Variants in SCN9A observed in about 807,000 individuals in gnomAD.
SCN9A encodes the protein sodium voltage-gated channel alpha subunit 9, also known as sodium channel protein type 9 subunit alpha.
In SCN9A, 131 loss-of-function variants were observed where a neutral mutation model predicts 187.0. The observed-to-expected ratio is 0.70, with a 90% confidence interval of 0.61 to 0.81. SCN9A has a LOEUF of 0.81. Ranked by LOEUF, SCN9A falls within the 30% of genes least tolerant of loss-of-function variation. SCN9A has a pLI of 0.00. For missense variants in SCN9A, 2,252 were observed against 2,396.6 expected (o/e 0.94, Z 1.26); for synonymous variants, 809 against 808.6 (o/e 1.00, Z -0.01).
intron 24 of SCN9A, among the ~76,000 whole-genome samples, chr2:166,221,111 G>A (rs917569349): frequency 2.0e-5 from 3 of 152,128 alleles, no homozygotes; most frequent in Admixed American, 6.5e-5. Flanking sequence ...CCAAGGCATT[G>A]AAAATGTATG....
At chr2:166,330,883 C>T (rs989029063) in intron 1 of SCN9A, among the ~76,000 whole-genome samples, 1 of 152,106 alleles carries the variant, frequency 6.6e-6, no homozygotes, top group African/African-American at 2.4e-5. Flanking sequence ...AGGCCATGGA[C>T]CAGTATCTGT....
At chr2:166,311,389 T>G (rs1698950625) in intron 2 of SCN9A, 110 bp downstream of exon 2, 3 of 209,224 alleles carry the variant, frequency 1.4e-5, no homozygotes, top group Non-Finnish European at 2.4e-5. Flanking sequence ...TAATTTAACA[T>G]TCTGGTCATG....
intron 16 of SCN9A, among the ~76,000 whole-genome samples, chr2:166,275,594 A>AT (rs1396638220): frequency 4.5e-5 from 6 of 132,884 alleles, no homozygotes; most frequent in East Asian, 4.2e-4. Flanking sequence ...AAAAAAAAAA[A>AT]AAATACACAA....
intron 1 of SCN9A, among the ~76,000 whole-genome samples, chr2:166,348,189 GTTGA>G (rs1469458140): frequency 1.3e-5 from 2 of 149,400 alleles, no homozygotes; most frequent in South Asian, 2.2e-4. Flanking sequence ...GTAACGGTTT[GTTGA>G]TTATCATGTA....
At chr2:166,328,044 T>C (rs909861451) in intron 1 of SCN9A, among the ~76,000 whole-genome samples, 1 of 152,152 alleles carries the variant, frequency 6.6e-6, no homozygotes, top group Non-Finnish European at 1.5e-5. Flanking sequence ...CTACAAGCAG[T>C]GTATCTTTAG....
chr2:166,258,397 T>C (rs1210222926), intron 17 of SCN9A, among the ~76,000 whole-genome samples: 2 of 151,492 alleles, frequency 1.3e-5, no homozygotes, highest in Non-Finnish European at 3.0e-5. Flanking sequence ...CAGAAACTTA[T>C]TCTTATCAAT....
chr2:166,303,121 C>T lies in SCN9A; in HGVS notation c.870G>A (p.Met290Ile), dbSNP rs1484707284. The T allele has an allele frequency of 6.2e-7, 1 of 1,607,466 alleles. No individual in the cohort carries two copies. The highest frequency in any genetic ancestry group is 8.5e-7 in the Non-Finnish European group (1 of 1,175,900). ...AGTCTTCTTCACTCTCTAGGGTATT[C>T]ATTATGCTTTCTAATGTTTCATTAT... ...LENNETLESI[M>I]NTLESEEDFR... is the part of the protein sequence containing the mutation. Residue 290 changes from methionine to isoleucine, a missense_variant, in exon 7 of 27, where the codon ATG becomes ATA. Met to Ile is a conservative substitution (Grantham distance 10). Around this residue, in one of 7 missense-constraint regions of SCN9A, gnomAD observed 1,013 missense variants for 997.4 expected, o/e 1.02. Coordinates refer to ENST00000642356, the MANE Select transcript of SCN9A (RefSeq NM_001365536.1).
intron 24 of SCN9A, among the ~76,000 whole-genome samples, chr2:166,224,122 T>C (rs1200899743): frequency 2.6e-5 from 4 of 152,148 alleles, no homozygotes; most frequent in Admixed American, 6.5e-5. Flanking sequence ...TAAAGTCAAT[T>C]GGATGTTGGC....
chr2:166,359,078 G>A (rs149812467), intron 1 of SCN9A, among the ~76,000 whole-genome samples: 22 of 152,032 alleles, frequency 1.4e-4, no homozygotes, highest in African/African-American at 5.3e-4. Context: ...GTCTATTTCT[G>A]GATATCGTAT....
chr2:166,370,232 A>ATCATCATC lies in SCN9A; in HGVS notation c.-51+5464_-51+5465insGATGATGA, dbSNP rs1553507732. Among the ~76,000 whole-genome samples the ATCATCATC allele has an allele frequency of 7.2e-3, 985 of 137,238 alleles. 11 individuals carry two copies. The highest frequency in any genetic ancestry group is 0.02 in the African/African-American group (727 of 36,374). 90.0% of individuals were successfully genotyped at this position (137,238 alleles called of 152,430 possible). A position where few individuals can be genotyped will look rare whatever the true frequency, so the allele number is the denominator to read the frequency against. Reference sequence around the variant, plus strand: ...TAATAATAATAATAATAATAATAATAATAATCATCATCATCATCATTAGAT... The same window carrying ATCATCATC: ...TAATAATAATAATAATAATAATAATATCATCATCATAATCATCATCATCATCATTAGAT... On this transcript the variant is annotated intron_variant, in intron 1 of 26. Transcript: ENST00000642356.
intron 1 of SCN9A, among the ~76,000 whole-genome samples, chr2:166,342,856 T>G (rs1387903396): frequency 6.6e-6 from 1 of 152,206 alleles, no homozygotes; most frequent in Non-Finnish European, 1.5e-5. Context: ...TATTCAACTT[T>G]GGAAACCACA....
chr2:166,227,064 T>A (rs917293337), intron 23 of SCN9A, among the ~76,000 whole-genome samples: 6 of 152,076 alleles, frequency 3.9e-5, no homozygotes, highest in Non-Finnish European at 8.8e-5. Flanking sequence ...ATTATCATAT[T>A]TATACACATT....
chr2:166,366,863 A>T (rs540733381), intron 1 of SCN9A, among the ~76,000 whole-genome samples: 46 of 152,264 alleles, frequency 3.0e-4, no homozygotes, highest in African/African-American at 8.4e-4. Flanking sequence ...ATAGATATTT[A>T]AAAAAATTGC....
intron 26 of SCN9A, 124 bp from the exon 27 acceptor site, chr2:166,199,988 T>TG: frequency 2.9e-6 from 1 of 340,150 alleles, no homozygotes; most frequent in African/African-American, 6.0e-5. Context: ...TTTTTTTTTT[T>TG]TTTTTTTTTT....
chr2:166,225,233 G>A (rs533124530), intron 24 of SCN9A, among the ~76,000 whole-genome samples: 1 of 152,184 alleles, frequency 6.6e-6, no homozygotes, highest in South Asian at 2.1e-4. Context: ...TTCACTCCAT[G>A]TGGGTTAGCC....
At chr2:166,333,600 T>C (rs1396518411) in intron 1 of SCN9A, among the ~76,000 whole-genome samples, 1 of 152,138 alleles carries the variant, frequency 6.6e-6, no homozygotes, top group East Asian at 1.9e-4. Context: ...CTTACTCTTT[T>C]GCTAAAGAAC....
chr2:166,218,418 A>T (rs1694432873), intron 24 of SCN9A, among the ~76,000 whole-genome samples: 1 of 146,578 alleles, frequency 6.8e-6, no homozygotes, highest in African/African-American at 2.7e-5. Flanking sequence ...ATAAAAAAAT[A>T]AATAAATAAA....
chr2:166,198,555 A>T lies in SCN9A; in HGVS notation c.*117T>A. On this transcript the variant is annotated 3_prime_UTR_variant, in exon 27 of 27. Coordinates refer to ENST00000642356, the MANE Select transcript of SCN9A (RefSeq NM_001365536.1). ...TTAGGAAATCAGAGTTAGTGACTGCACTGCCTTCGAGAATATTTTGATAAA... is the reference window on the plus strand; with the variant it reads ...TTAGGAAATCAGAGTTAGTGACTGCTCTGCCTTCGAGAATATTTTGATAAA... 1 of 754,870 alleles carries T rather than the reference A, an allele frequency of 1.3e-6. No homozygotes were observed. The highest frequency in any genetic ancestry group is 2.1e-6 in the Non-Finnish European group (1 of 477,394). 46.8% of individuals were successfully genotyped at this position (754,870 alleles called of 1,614,324 possible). A position where few individuals can be genotyped will look rare whatever the true frequency, so the allele number is the denominator to read the frequency against.
chr2:166,277,905 A>G (rs1276688415), intron 15 of SCN9A: 2 of 380,718 alleles, frequency 5.3e-6, no homozygotes, highest in Non-Finnish European at 4.6e-6. Context: ...AAATATTTAT[A>G]TTATATTAGC....
Sources: allele counts gnomAD v4.1 joint callset (sites outside exome capture counted in the v4.1 genomes callset), GRCh38; gene constraint gnomAD v4.1.1; regional missense constraint gnomAD v4.1.1; transcripts MANE v1.5; gene names NCBI Gene and HGNC (gene_info 2026-07-23, HGNC 2026-07-21).